Variants in PLCE1 observed in about 807,000 individuals in gnomAD.
PLCE1 encodes phospholipase C epsilon 1.
In PLCE1, 119 loss-of-function variants were observed where a neutral mutation model predicts 242.8. The ratio of observed to expected loss-of-function variants is 0.49; its 90% CI spans 0.42 to 0.57. The LOEUF is 0.57. Ranked by LOEUF, PLCE1 falls within the 20% of genes least tolerant of loss-of-function variation. PLCE1 has a pLI of 0.00. For missense variants in PLCE1, 2,441 were observed against 2,788.8 expected (o/e 0.88, Z 2.81); for synonymous variants, 945 against 1,017.4 (o/e 0.93, Z 1.35).
chr10:94,021,547 C>G (rs2061377631), intron 1 of PLCE1, among the ~76,000 whole-genome samples: 1 of 152,098 alleles, frequency 6.6e-6, no homozygotes, highest in African/African-American at 2.4e-5. Flanking sequence ...GTTGAAAACT[C>G]AATCGACCAT....
At chr10:94,167,641 G>A (rs2047848287) in intron 3 of PLCE1, among the ~76,000 whole-genome samples, 1 of 150,956 alleles carries the variant, frequency 6.6e-6, no homozygotes, top group Non-Finnish European at 1.5e-5. Context: ...TTAGCATTAG[G>A]TGTATCTCCT....
chr10:94,213,880 C>T (rs1445170737), intron 4 of PLCE1, among the ~76,000 whole-genome samples: 4 of 152,170 alleles, frequency 2.6e-5, no homozygotes, highest in South Asian at 2.1e-4. Flanking sequence ...TCATATTTAT[C>T]GTCCCTTTTA....
chr10:94,084,652 G>A (rs952287609), intron 2 of PLCE1, among the ~76,000 whole-genome samples: 1 of 152,158 alleles, frequency 6.6e-6, no homozygotes, highest in Non-Finnish European at 1.5e-5. Flanking sequence ...ATCTTGTCTG[G>A]TGTCCATACA....
At chr10:94,248,041 C>T (rs2050747686) in intron 8 of PLCE1, among the ~76,000 whole-genome samples, 1 of 152,196 alleles carries the variant, frequency 6.6e-6, no homozygotes, top group South Asian at 2.1e-4. Context: ...ACCACTTGAA[C>T]TACTCAAATG....
chr10:94,195,879 G>A (rs902678603), intron 4 of PLCE1, among the ~76,000 whole-genome samples: 1 of 152,078 alleles, frequency 6.6e-6, no homozygotes, highest in Non-Finnish European at 1.5e-5. Context: ...GTGTCATATT[G>A]ATCAAATCTT....
chr10:94,098,702 A>G (rs1160169750), intron 2 of PLCE1, among the ~76,000 whole-genome samples: 2 of 152,196 alleles, frequency 1.3e-5, no homozygotes, highest in African/African-American at 4.8e-5. Context: ...CTTACTGAAG[A>G]ATCTGTGGCT....
chr10:94,170,452 C>T (rs1564752290), intron 3 of PLCE1, among the ~76,000 whole-genome samples: 2 of 152,228 alleles, frequency 1.3e-5, no homozygotes, highest in Admixed American at 1.3e-4. Context: ...ATCCCCTACT[C>T]TGGTACTTCC....
At chr10:94,232,501 G>C (rs1016891406) in intron 5 of PLCE1, among the ~76,000 whole-genome samples, 1 of 152,172 alleles carries the variant, frequency 6.6e-6, no homozygotes, top group East Asian at 1.9e-4. Context: ...AGTCTTACTT[G>C]ATGGGGCAGT....
At chr10:94,308,511 C>A in intron 26 of PLCE1, 70 bp from the exon 27 acceptor site, 1 of 1,085,398 alleles carries the variant, frequency 9.2e-7, no homozygotes, top group Non-Finnish European at 1.4e-6. Flanking sequence ...TGTCATTTGC[C>A]GACTTCCAGG....
chr10:94,079,271 C>G (rs1245816365), intron 2 of PLCE1, among the ~76,000 whole-genome samples: 1 of 152,128 alleles, frequency 6.6e-6, no homozygotes, highest in Non-Finnish European at 1.5e-5. Flanking sequence ...ACGAAGCTCT[C>G]CCACCAAAGA....
At chr10:94,200,029 G>C (rs139633702) in intron 4 of PLCE1, among the ~76,000 whole-genome samples, 3 of 152,142 alleles carry the variant, frequency 2.0e-5, no homozygotes, top group African/African-American at 7.2e-5. Context: ...CAAGCCAAAC[G>C]TTACCTCCTT....
chr10:94,171,090 C>A, intron 3 of PLCE1, 90 bp from the exon 4 acceptor site: 1 of 1,082,606 alleles, frequency 9.2e-7, no homozygotes, highest in Non-Finnish European at 1.4e-6. Context: ...GGTTAAAGAA[C>A]ATACAAGATT....
At chr10:94,033,334 A>C (rs925410500) in intron 2 of PLCE1, among the ~76,000 whole-genome samples, 2 of 151,934 alleles carry the variant, frequency 1.3e-5, no homozygotes, top group Non-Finnish European at 2.9e-5. Flanking sequence ...AAATTTTCTC[A>C]ATTTTAGCAC....
chr10:94,116,246 T>C (rs2046126274), intron 2 of PLCE1, among the ~76,000 whole-genome samples: 1 of 152,246 alleles, frequency 6.6e-6, no homozygotes, highest in African/African-American at 2.4e-5. Flanking sequence ...TTTTATTTGC[T>C]ATATCTATAG....
chr10:94,247,309 G>A lies in PLCE1; in HGVS notation c.3096+688G>A, dbSNP rs1026885877. The stretch of plus-strand genomic sequence containing the variant: ...TGGGAGAACTATAATGACCCTGGTC[G>A]CGGTTTTTATTTTGTATTATATTTA... On this transcript the variant is annotated intron_variant, in intron 8 of 32. Transcript: ENST00000371380. Among the ~76,000 whole-genome samples, 8 of 151,238 alleles carry A rather than the reference G, an allele frequency of 5.3e-5. No homozygotes were observed. The East Asian group carries it at 5.9e-4, about 11-fold the overall frequency.
Position 94,295,652 on chromosome 10 carries a change from A to G in PLCE1, c.5167+2013A>G, listed in dbSNP as rs1589494990. On this transcript the variant is annotated intron_variant, in intron 23 of 32. Coordinates refer to ENST00000371380, the MANE Select transcript of PLCE1 (RefSeq NM_016341.4). ...GGTGAATTCTTTCTAGGAGGTTTTC[A>G]TTTTATTTTCACCAGATCCATCAGA... Among the ~76,000 whole-genome samples the G allele has an allele frequency of 3.3e-5, 5 of 152,288 alleles. 1 individual carries two copies. The highest frequency in any genetic ancestry group is 3.3e-4 in the Admixed American group (5 of 15,302).
chr10:94,043,648 C>G (rs1413958633), intron 2 of PLCE1, among the ~76,000 whole-genome samples: 1 of 152,144 alleles, frequency 6.6e-6, no homozygotes, highest in Non-Finnish European at 1.5e-5. Flanking sequence ...AAACTCTCTT[C>G]CAGGACAAGG....
intron 2 of PLCE1, chr10:94,100,165 A>G (rs1452927239): frequency 6.6e-6 from 1 of 152,110 alleles, no homozygotes; most frequent in Non-Finnish European, 1.5e-5. Context: ...CTATCCAGGG[A>G]TGTTTGAGGA....
At chr10:94,191,856 AC>A (rs1008834165) in intron 4 of PLCE1, among the ~76,000 whole-genome samples, 33 of 152,316 alleles carry the variant, frequency 2.2e-4, no homozygotes, top group African/African-American at 7.2e-4. Context: ...GTTTCTTATA[AC>A]TGGAGAAATT....
Sources: gnomAD v4.1 joint callset for allele counts (sites outside exome capture counted in the v4.1 genomes callset) on GRCh38, gnomAD v4.1.1 for gene constraint, MANE v1.5 for transcripts, NCBI Gene and HGNC (gene_info 2026-07-23, HGNC 2026-07-21) for gene names.